Variants in ERO1A observed in about 807,000 individuals in gnomAD.
ERO1A encodes the protein ERO1-like protein alpha.
A neutral mutation model predicts 76.9 loss-of-function variants in ERO1A; 49 were observed. The observed-to-expected ratio is 0.64, with a 90% confidence interval of 0.51 to 0.81. The LOEUF is 0.81. ERO1A is among the 30% of genes least tolerant of loss of function. ERO1A has a pLI of 0.00. For synonymous variants in ERO1A, 174 were observed against 181.2 expected (o/e 0.96, Z 0.32); for missense variants, 448 against 542.1 (o/e 0.83, Z 1.72).
intron 12 of ERO1A, 60 bp downstream of exon 12, chr14:52,653,009 T>G (rs1376642425): frequency 3.3e-5 from 43 of 1,290,502 alleles, no homozygotes; most frequent in Middle Eastern, 2.7e-4. Flanking sequence ...AAAAAAAAAT[T>G]TATCTTGTAC....
intron 11 of ERO1A, among the ~76,000 whole-genome samples, chr14:52,654,814 C>T (rs900711222): frequency 6.6e-6 from 1 of 151,996 alleles, no homozygotes; most frequent in Non-Finnish European, 1.5e-5. Context: ...CATCACAGCC[C>T]TTCTCCTTCT....
chr14:52,657,913 A>C lies in ERO1A; in HGVS notation c.808+4T>G. The C allele has an allele frequency of 1.3e-6, 2 of 1,590,674 alleles. No individual in the cohort carries two copies. The highest frequency in any genetic ancestry group is 1.7e-6 in the Non-Finnish European group (2 of 1,164,942). ...TAGACTGAATAAAAGTAAATGTCAC[A>C]TACCTTGTAAAAGATATCTTGCACT... On this transcript the variant is annotated splice_donor_region_variant and intron_variant, in intron 11 of 15. Transcript: ENST00000395686.
At chr14:52,652,155 T>C in intron 13 of ERO1A, 84 bp downstream of exon 13, 1 of 838,166 alleles carries the variant, frequency 1.2e-6, no homozygotes, top group Non-Finnish European at 2.0e-6. Flanking sequence ...TATGGCCTAC[T>C]CTCTACTTCT....
At chr14:52,659,672 A>C (rs2040166619) in intron 9 of ERO1A, among the ~76,000 whole-genome samples, 1 of 152,050 alleles carries the variant, frequency 6.6e-6, no homozygotes. Context: ...TGGTGGGATT[A>C]TAAGGAACTT....
intron 1 of ERO1A, among the ~76,000 whole-genome samples, chr14:52,689,173 C>G (rs1212274825): frequency 1.3e-5 from 2 of 152,166 alleles, no homozygotes; most frequent in African/African-American, 4.8e-5. Context: ...AGGCTGGTCT[C>G]AAACTCCTGA....
Position 52,646,465 on chromosome 14 carries a change from A to T in ERO1A, c.1126-4T>A. ...TAAAATGCAGTCGAAAGTCCTCCTG[A>T]AAACAATTTAACAAGATTTTATTAA... On this transcript the variant is annotated splice_polypyrimidine_tract_variant and splice_region_variant and intron_variant, in intron 13 of 15. Transcript: ENST00000395686. 1 of 1,595,600 alleles carries T rather than the reference A, an allele frequency of 6.3e-7. No homozygotes were observed. Among genetic ancestry groups the T allele is most frequent in the Non-Finnish European group, 8.6e-7 (1 of 1,169,354 alleles).
Position 52,677,161 on chromosome 14 carries a change from T to A in ERO1A, c.357+1273A>T, listed in dbSNP as rs192735136. ...AGATAATCTCATGTTTTAAAAAAAATCACTTTGGCTAATGCAACCAGGTAA... is the reference window on the plus strand; with the variant it reads ...AGATAATCTCATGTTTTAAAAAAAAACACTTTGGCTAATGCAACCAGGTAA... On this transcript the variant is annotated intron_variant, in intron 4 of 15. Coordinates refer to ENST00000395686, the MANE Select transcript of ERO1A (RefSeq NM_014584.3). Among the ~76,000 whole-genome samples the A allele has an allele frequency of 7.0e-3, 1,061 of 152,170 alleles. 5 individuals are homozygous for A. The highest frequency in any genetic ancestry group is 0.01 in the Non-Finnish European group (690 of 68,016).
intron 1 of ERO1A, among the ~76,000 whole-genome samples, chr14:52,689,254 C>A (rs935659013): frequency 6.6e-6 from 1 of 152,164 alleles, no homozygotes; most frequent in African/African-American, 2.4e-5. Context: ...GCGCCCGGCC[C>A]TCATATACAT....
intron 6 of ERO1A, among the ~76,000 whole-genome samples, chr14:52,667,567 C>T (rs2139699229): frequency 6.6e-6 from 1 of 152,104 alleles, no homozygotes; most frequent in East Asian, 1.9e-4. Context: ...ATAAAAAATA[C>T]AAAAATTAGC....
At chr14:52,689,951 C>T (rs1473990825) in intron 1 of ERO1A, among the ~76,000 whole-genome samples, 1 of 152,096 alleles carries the variant, frequency 6.6e-6, no homozygotes, top group African/African-American at 2.4e-5. Flanking sequence ...CAATGGAAAA[C>T]AATAGAAAGC....
At chr14:52,690,172 GA>G in intron 1 of ERO1A, among the ~76,000 whole-genome samples, 1 of 152,042 alleles carries the variant, frequency 6.6e-6, no homozygotes, top group East Asian at 1.9e-4. Context: ...AAGACTCCTA[GA>G]AAAAAACATA....
At chr14:52,662,851 T>G (rs1210921265) in intron 8 of ERO1A, among the ~76,000 whole-genome samples, 1 of 152,096 alleles carries the variant, frequency 6.6e-6, no homozygotes, top group Non-Finnish European at 1.5e-5. Context: ...TATAGAGAGA[T>G]AAAACAGATA....
At chr14:52,684,118 G>C (rs896549018) in intron 1 of ERO1A, among the ~76,000 whole-genome samples, 4 of 134,520 alleles carry the variant, frequency 3.0e-5, no homozygotes, top group Admixed American at 7.9e-5. Context: ...CAGAGCTCAT[G>C]ACACACACAC....
intron 3 of ERO1A, among the ~76,000 whole-genome samples, chr14:52,680,083 A>T (rs2040938857): frequency 6.2e-4 from 1 of 1,620 alleles, no homozygotes; most frequent in African/African-American, 1.7e-3. Flanking sequence ...AAACACAAAC[A>T]AAAAAAAAAA....
chr14:52,680,078 C>CAA (rs2040938000), intron 3 of ERO1A, among the ~76,000 whole-genome samples: 2 of 13,686 alleles, frequency 1.5e-4, no homozygotes, highest in Non-Finnish European at 1.4e-4. Flanking sequence ...GCAAAAAACA[C>CAA]AAACAAAAAA....
chr14:52,676,717 G>A (rs187675862), intron 4 of ERO1A, among the ~76,000 whole-genome samples: 55 of 152,182 alleles, frequency 3.6e-4, no homozygotes, highest in Non-Finnish European at 7.4e-4. Flanking sequence ...AAATAAGAGA[G>A]AAGACAACAG....
rs751443649 is a variant in ERO1A, at chr14:52,676,876, A to C, written c.357+1558T>G. On this transcript the variant is annotated intron_variant, in intron 4 of 15. Transcript: ENST00000395686. ...ATGGTAGAACCCCCCTATCTACCCC[A>C]AAAAAAAAAAAAAAAGTATTTGTCT... Among the ~76,000 whole-genome samples the C allele has an allele frequency of 7.0e-3, 261 of 37,096 alleles. 1 individual carries two copies. The highest frequency in any genetic ancestry group is 0.011 in the East Asian group (18 of 1,706). The allele number at this position is 37,096 out of a possible 152,430, so 24.3% of individuals were successfully genotyped here.
In ERO1A at chr14:52,640,191, A is replaced by G. The variant is rs558987849; in HGVS notation, c.*3379T>C. ...GTAAAGACTTTTGAAAAATAAAACA[A>G]TACAGTACGATTTAAGTGACATACA... On this transcript the variant is annotated 3_prime_UTR_variant, in exon 16 of 16. Coordinates refer to ENST00000395686, the MANE Select transcript of ERO1A (RefSeq NM_014584.3). The G allele has an allele frequency of 8.5e-5, 13 of 152,236 alleles. No individual in the cohort carries two copies. The highest frequency in any genetic ancestry group is 1.3e-4 in the Non-Finnish European group (9 of 68,048). 9.4% of individuals were successfully genotyped at this position (152,236 alleles called of 1,614,324 possible).
At chr14:52,670,212 T>G (rs960976112) in intron 6 of ERO1A, among the ~76,000 whole-genome samples, 8 of 152,222 alleles carry the variant, frequency 5.3e-5, no homozygotes, top group African/African-American at 1.7e-4. Context: ...TTTTCACTAA[T>G]TTTTGAAAGA....
Sources: gnomAD v4.1 joint callset for allele counts (sites outside exome capture counted in the v4.1 genomes callset) on GRCh38, gnomAD v4.1.1 for gene constraint, MANE v1.5 for transcripts, NCBI Gene and HGNC (gene_info 2026-07-23, HGNC 2026-07-21) for gene names.